OXR1: variants seen among roughly 807,000 people sequenced by gnomAD.
OXR1 encodes the protein oxidation resistance 1.
In OXR1, 41 loss-of-function variants were observed where a neutral mutation model predicts 104.6. That is an observed-to-expected ratio of 0.39 (90% CI 0.31 to 0.51). OXR1 has a LOEUF of 0.51. Ranked by LOEUF, OXR1 falls within the 20% of genes least tolerant of loss-of-function variation. OXR1 has a pLI of 0.77. For synonymous variants in OXR1, 348 were observed against 348.4 expected (o/e 1.00, Z 0.01); for missense variants, 955 against 1,031.9 (o/e 0.93, Z 1.02).
intron 1 of OXR1, among the ~76,000 whole-genome samples, chr8:106,332,978 C>A (rs1301274621): frequency 1.3e-5 from 2 of 152,036 alleles, no homozygotes; most frequent in Non-Finnish European, 2.9e-5. Context: ...ATCATTTATT[C>A]ATTCTGCTTT....
chr8:106,614,386 C>T (rs1004519971), intron 3 of OXR1, among the ~76,000 whole-genome samples: 6 of 151,958 alleles, frequency 3.9e-5, no homozygotes, highest in Non-Finnish European at 7.4e-5. Context: ...TAGATAAGTC[C>T]GCTAGGATAT....
chr8:106,741,810 A>G (rs1347735918), intron 14 of OXR1, among the ~76,000 whole-genome samples: 2 of 152,160 alleles, frequency 1.3e-5, no homozygotes, highest in Non-Finnish European at 2.9e-5. Context: ...TAAAGAAAAA[A>G]TATCATATTT....
At chr8:106,391,753 C>A (rs1817594478) in intron 2 of OXR1, among the ~76,000 whole-genome samples, 1 of 151,904 alleles carries the variant, frequency 6.6e-6, no homozygotes, top group Admixed American at 6.6e-5. Context: ...AGTGTTTTTC[C>A]ATACAGTATT....
At chr8:106,592,126 T>G (rs1819144883) in intron 3 of OXR1, among the ~76,000 whole-genome samples, 1 of 152,198 alleles carries the variant, frequency 6.6e-6, no homozygotes, top group Non-Finnish European at 1.5e-5. Context: ...AAGTCACTTC[T>G]TCCTGCTTTA....
intron 3 of OXR1, among the ~76,000 whole-genome samples, chr8:106,631,940 CA>C (rs1822721721): frequency 6.6e-6 from 1 of 152,048 alleles, no homozygotes. Flanking sequence ...AGATATAGTA[CA>C]AAAAATATAC....
At chr8:106,352,497 C>T (rs925475840) in intron 1 of OXR1, among the ~76,000 whole-genome samples, 1 of 151,946 alleles carries the variant, frequency 6.6e-6, no homozygotes, top group Admixed American at 6.6e-5. Flanking sequence ...AAATATAAAC[C>T]GATATTATAT....
chr8:106,430,390 G>T (rs981833516), intron 2 of OXR1, among the ~76,000 whole-genome samples: 1 of 152,102 alleles, frequency 6.6e-6, no homozygotes, highest in Non-Finnish European at 1.5e-5. Flanking sequence ...CTAAGAGAAA[G>T]AATATTTATT....
At chr8:106,390,599 C>T (rs996969334) in intron 2 of OXR1, among the ~76,000 whole-genome samples, 1 of 152,284 alleles carries the variant, frequency 6.6e-6, no homozygotes, top group Non-Finnish European at 1.5e-5. Flanking sequence ...GCTTTAGTTG[C>T]AGGTGTTCAT....
chr8:106,351,930 T>TCC (rs778283422), intron 1 of OXR1, among the ~76,000 whole-genome samples: 2 of 152,180 alleles, frequency 1.3e-5, no homozygotes, highest in Non-Finnish European at 2.9e-5. Context: ...GCACTTAGTT[T>TCC]CCCCAAGCTC....
chr8:106,562,266 G>A (rs1816738606), intron 3 of OXR1, among the ~76,000 whole-genome samples: 1 of 152,028 alleles, frequency 6.6e-6, no homozygotes, highest in Non-Finnish European at 1.5e-5. Flanking sequence ...TACCCGTTTA[G>A]AGAAGAATAT....
chr8:106,324,173 T>C (rs1435156082), intron 1 of OXR1, among the ~76,000 whole-genome samples: 3 of 152,204 alleles, frequency 2.0e-5, no homozygotes, highest in Non-Finnish European at 2.9e-5. Flanking sequence ...TGGAATACTA[T>C]GCAGTCATAA....
At chr8:106,307,999 C>CACACACACACACAA (rs369928397) in intron 1 of OXR1, among the ~76,000 whole-genome samples, 1 of 151,224 alleles carries the variant, frequency 6.6e-6, no homozygotes, top group Non-Finnish European at 1.5e-5. Flanking sequence ...ACCAAAAGGA[C>CACACACACACACAA]ACACACACAC....
chr8:106,336,387 G>A (rs181107273), intron 1 of OXR1, among the ~76,000 whole-genome samples: 1 of 152,160 alleles, frequency 6.6e-6, no homozygotes, highest in East Asian at 1.9e-4. Flanking sequence ...ACTTGATTGT[G>A]TTCCATCAGG....
At chr8:106,468,602 A>G (rs1027106241) in intron 2 of OXR1, among the ~76,000 whole-genome samples, 1 of 151,734 alleles carries the variant, frequency 6.6e-6, no homozygotes, top group African/African-American at 2.4e-5. Flanking sequence ...AGTCAAGGGG[A>G]TGGTCAGGTA....
chr8:106,605,883 A>T (rs1017101834), intron 3 of OXR1, among the ~76,000 whole-genome samples: 1 of 152,142 alleles, frequency 6.6e-6, no homozygotes, highest in Non-Finnish European at 1.5e-5. Context: ...CTTAGGTTGA[A>T]ACAACATATG....
intron 11 of OXR1, among the ~76,000 whole-genome samples, chr8:106,735,165 T>C (rs1376442024): frequency 6.6e-6 from 1 of 152,034 alleles, no homozygotes; most frequent in Non-Finnish European, 1.5e-5. Flanking sequence ...GAAGGAAGTA[T>C]ATTTCTGTAC....
chr8:106,357,698 C>T lies in OXR1; in HGVS notation c.-138-1778C>T, dbSNP rs369823740. Among the ~76,000 whole-genome samples the T allele has an allele frequency of 1.6e-4, 24 of 151,742 alleles. No individual in the cohort carries two copies. In the East Asian group the frequency reaches 1.7e-3, roughly 11 times the overall value. On this transcript the variant is annotated intron_variant, in intron 1 of 16. Coordinates refer to ENST00000517566, the MANE Select transcript of OXR1 (RefSeq NM_001198533.2). ...CATTAATACTAATAGTAATAGGGCA[C>T]GAGAAATATTTTGTTTGCTTATGAA... is the stretch of plus-strand genomic sequence containing the variant.
intron 3 of OXR1, among the ~76,000 whole-genome samples, chr8:106,653,103 A>G (rs1016588312): frequency 2.7e-5 from 4 of 146,308 alleles, no homozygotes; most frequent in African/African-American, 1.0e-4. Context: ...TATATATGGT[A>G]AATGATTATA....
intron 3 of OXR1, among the ~76,000 whole-genome samples, chr8:106,573,926 A>G (rs1287474923): frequency 6.6e-6 from 1 of 150,520 alleles, no homozygotes; most frequent in East Asian, 1.9e-4. Context: ...AAAAAAAAAA[A>G]GAAAGCATTC....
Sources: gnomAD v4.1 joint callset for allele counts (sites outside exome capture counted in the v4.1 genomes callset) on GRCh38, gnomAD v4.1.1 for gene constraint, MANE v1.5 for transcripts, NCBI Gene and HGNC (gene_info 2026-07-23, HGNC 2026-07-21) for gene names.